The following CASD1 variants were observed in gnomAD, a reference collection of about 807,000 sequenced individuals.
CASD1 encodes CAS1 domain sialic acid O acetyltransferase 1.
CASD1 carries 41 observed loss-of-function variants against 100.0 expected under a neutral mutation model. That is an observed-to-expected ratio of 0.41 (90% CI 0.32 to 0.53). The LOEUF is 0.53. Among genes scored for constraint, CASD1 ranks in the 20% least tolerant of loss-of-function variants. CASD1 has a pLI of 0.25. For synonymous variants in CASD1, 321 were observed against 315.6 expected, an observed-to-expected ratio of 1.02 and a Z score of -0.18; for missense variants, 774 against 948.7, an observed-to-expected ratio of 0.82 and a Z score of 2.42.
At chr7:94,569,601 C>A in the CASD1 span, among the ~76,000 whole-genome samples, 24 of 151,968 alleles carry the variant, frequency 1.6e-4, no homozygotes, top group East Asian at 4.7e-3. Flanking sequence ...CACCTCTGTG[C>A]TTGGCCAATT....
intron 7 of CASD1, 39 bp downstream of exon 7, chr7:94,533,841 A>G: frequency 6.8e-7 from 1 of 1,481,316 alleles, no homozygotes. Flanking sequence ...CTTTGTGTAT[A>G]TTTTGAAGCA....
At chr7:94,524,519 A>G (rs761709331) in intron 3 of CASD1, among the ~76,000 whole-genome samples, 11 of 152,136 alleles carry the variant, frequency 7.2e-5, no homozygotes, top group Non-Finnish European at 1.2e-4. Context: ...GCTGTGTACC[A>G]GTAGATGTCT....
intron 5 of CASD1, among the ~76,000 whole-genome samples, chr7:94,530,329 C>T (rs1370763704): frequency 6.6e-6 from 1 of 152,112 alleles, no homozygotes; most frequent in Non-Finnish European, 1.5e-5. Flanking sequence ...TTTAGTGGAG[C>T]TGACATACAA....
intron 3 of CASD1, among the ~76,000 whole-genome samples, chr7:94,518,709 T>A (rs1794098080): frequency 6.6e-6 from 1 of 152,114 alleles, no homozygotes; most frequent in South Asian, 2.1e-4. Flanking sequence ...AATCTTTTAA[T>A]ATGTGCAATT....
the CASD1 span, among the ~76,000 whole-genome samples, chr7:94,633,748 C>A: frequency 6.6e-6 from 1 of 152,172 alleles, no homozygotes; most frequent in Non-Finnish European, 1.5e-5. Flanking sequence ...CAATTACCTT[C>A]AAAGCAAGTT....
chr7:94,513,205 A>G (rs1793804563), intron 1 of CASD1, among the ~76,000 whole-genome samples: 1 of 151,008 alleles, frequency 6.6e-6, no homozygotes, highest in Admixed American at 6.6e-5. Flanking sequence ...GGGCACCTGA[A>G]TCCCAGCTGC....
chr7:94,616,744 C>G, the CASD1 span: 1 of 151,868 alleles, frequency 6.6e-6, no homozygotes, highest in South Asian at 2.1e-4. Context: ...TCATTTGCAG[C>G]GACAAACTTT....
chr7:94,596,765 G>A, the CASD1 span, among the ~76,000 whole-genome samples: 1 of 152,028 alleles, frequency 6.6e-6, no homozygotes, highest in African/African-American at 2.4e-5. Flanking sequence ...GTTAGCTACA[G>A]GATTTGTTTC....
At chr7:94,613,088 A>C in the CASD1 span, among the ~76,000 whole-genome samples, 11 of 152,224 alleles carry the variant, frequency 7.2e-5, no homozygotes, top group Non-Finnish European at 1.2e-4. Flanking sequence ...GGCTAAATGA[A>C]TGCATGAATG....
chr7:94,608,525 C>T, the CASD1 span, among the ~76,000 whole-genome samples: 1 of 152,106 alleles, frequency 6.6e-6, no homozygotes, highest in African/African-American at 2.4e-5. Context: ...TCAATGTAAT[C>T]TCAATCATAT....
At chr7:94,585,386 A>G in the CASD1 span, 1 of 911,986 alleles carries the variant, frequency 1.1e-6, no homozygotes, top group South Asian at 1.3e-5. Context: ...AATACTGCCA[A>G]CATGCATAAC....
At chr7:94,543,369 T>C (rs925475142) in intron 10 of CASD1, among the ~76,000 whole-genome samples, 4 of 152,124 alleles carry the variant, frequency 2.6e-5, no homozygotes, top group South Asian at 2.1e-4. Context: ...AAAAGCAGTG[T>C]ATGGACAGGC....
the CASD1 span, among the ~76,000 whole-genome samples, chr7:94,585,938 C>T: frequency 2.6e-5 from 4 of 151,916 alleles, no homozygotes; most frequent in East Asian, 7.8e-4. Context: ...AAAGTTAGTG[C>T]AATTGTCAGC....
the CASD1 span, among the ~76,000 whole-genome samples, chr7:94,590,235 C>G: frequency 1.2e-4 from 18 of 151,966 alleles, 1 homozygote; most frequent in Admixed American, 1.2e-3. Flanking sequence ...TTTAAAAATT[C>G]CCATGAGAAA....
At chr7:94,544,680 G>A in intron 11 of CASD1, 150 bp downstream of exon 11, 1 of 734,610 alleles carries the variant, frequency 1.4e-6, no homozygotes, top group Non-Finnish European at 2.0e-6. Flanking sequence ...TCTGTGTTCT[G>A]TGTTTAGTAT....
chr7:94,570,499 C>CT, the CASD1 span, among the ~76,000 whole-genome samples: 1 of 151,840 alleles, frequency 6.6e-6, no homozygotes, highest in Non-Finnish European at 1.5e-5. Context: ...ACAAATTTGT[C>CT]TTTTTTTGGC....
At chr7:94,553,288 G>T in intron 16 of CASD1, 1 of 167,960 alleles carries the variant, frequency 6.0e-6, no homozygotes, top group Non-Finnish European at 1.3e-5. Context: ...ATCTCTATTT[G>T]TTTAAATTAA....
chr7:94,525,202 G>A (rs143494122), intron 3 of CASD1, among the ~76,000 whole-genome samples: 15 of 152,232 alleles, frequency 9.9e-5, no homozygotes, highest in East Asian at 3.9e-4. Context: ...TTGGGCGTTC[G>A]TTTAATTCTG....
chr7:94,563,684 C>T, the CASD1 span, among the ~76,000 whole-genome samples: 1 of 151,864 alleles, frequency 6.6e-6, no homozygotes, highest in African/African-American at 2.4e-5. Context: ...CTCCCCCACG[C>T]CCCCGCTGAA....
Sources: allele counts gnomAD v4.1 joint callset (sites outside exome capture counted in the v4.1 genomes callset), GRCh38; gene constraint gnomAD v4.1.1; transcripts MANE v1.5; gene names NCBI Gene and HGNC (gene_info 2026-07-23, HGNC 2026-07-21).